C6orf132: variants seen among roughly 807,000 people sequenced by gnomAD.
The protein encoded by C6orf132 is chromosome 6 open reading frame 132.
In C6orf132, 43 loss-of-function variants were observed where a neutral mutation model predicts 65.3. That is an observed-to-expected ratio of 0.66 (90% CI 0.52 to 0.85). The LOEUF is 0.85. C6orf132 is among the 40% of genes least tolerant of loss of function. The pLI is 0.00. For missense variants in C6orf132, 1,488 were observed against 1,548.8 expected, an observed-to-expected ratio of 0.96 and a Z score of 0.66; for synonymous variants, 631 against 654.1, an observed-to-expected ratio of 0.96 and a Z score of 0.54.
At chr6:42,120,237 T>C (rs1009590319) in intron 2 of C6orf132, among the ~76,000 whole-genome samples, 1 of 150,952 alleles carries the variant, frequency 6.6e-6, no homozygotes, top group African/African-American at 2.4e-5. Flanking sequence ...TTGTCTTTAT[T>C]GCGAGGTTCT....
intron 1 of C6orf132, 69 bp downstream of exon 1, chr6:42,142,231 C>T (rs1426071499): frequency 3.9e-5 from 59 of 1,495,250 alleles, no homozygotes; most frequent in Non-Finnish European, 5.2e-5. Flanking sequence ...CTCCAGGAGA[C>T]AGCACCGCCG....
intron 1 of C6orf132, among the ~76,000 whole-genome samples, chr6:42,138,850 A>ACACACACACACACACACACAC (rs1766991180): frequency 2.1e-5 from 3 of 142,748 alleles, no homozygotes; most frequent in African/African-American, 5.2e-5. Flanking sequence ...CATGCATTTA[A>ACACACACACACACACACACAC]ACACACACAC....
chr6:42,110,810 G>T (rs1321857552), intron 2 of C6orf132, among the ~76,000 whole-genome samples: 1 of 152,204 alleles, frequency 6.6e-6, no homozygotes, highest in Non-Finnish European at 1.5e-5. Flanking sequence ...GGGAACATGT[G>T]CATTGAGCAA....
Position 42,106,550 on chromosome 6 carries a change from C to T in C6orf132, c.1362G>A (p.Ala454=), listed in dbSNP as rs9471762. 1.4e-5 allele frequency: 22 copies of T among 1,534,292 alleles called. No homozygotes were observed. The highest frequency in any genetic ancestry group is 5.5e-5 in the African/African-American group (4 of 72,604). The change falls in exon 4 of 5, where the codon GCG becomes GCA. Residue 454 remains alanine, a synonymous_variant. Coordinates refer to ENST00000341865, the MANE Select transcript of C6orf132 (RefSeq NM_001164446.3). ...KPNPPSPENT[A]SSAPVDWRDP... ...CCCTCCAGTCCACAGGTGCTGAAGACGCTGTGTTCTCTGGGCTGGGGGGGT... is the reference window on the plus strand; with the variant it reads ...CCCTCCAGTCCACAGGTGCTGAAGATGCTGTGTTCTCTGGGCTGGGGGGGT...
chr6:42,122,415 G>C (rs1008109091), intron 2 of C6orf132, among the ~76,000 whole-genome samples: 5 of 152,318 alleles, frequency 3.3e-5, no homozygotes, highest in African/African-American at 9.6e-5. Flanking sequence ...TGAGTCCATG[G>C]GGACAAAGAG....
Position 42,128,669 on chromosome 6 carries a change from C to T in C6orf132, c.252+3G>A, listed in dbSNP as rs1582281844. 6 of 1,550,292 alleles carry T rather than the reference C, an allele frequency of 3.9e-6. No homozygotes were observed. The East Asian group carries it at 9.8e-5, about 25-fold the overall frequency. Reference sequence around the variant, plus strand: ...TCCAACCTCAGAGCAGAACCGTACTCACCAGCGGAAGGAAGGTCAGCAGGG... The same window carrying T: ...TCCAACCTCAGAGCAGAACCGTACTTACCAGCGGAAGGAAGGTCAGCAGGG... On this transcript the variant is annotated splice_donor_region_variant and intron_variant, in intron 2 of 4. Coordinates refer to ENST00000341865, the MANE Select transcript of C6orf132 (RefSeq NM_001164446.3).
At chr6:42,112,545 G>A (rs554563489) in intron 2 of C6orf132, among the ~76,000 whole-genome samples, 1 of 152,246 alleles carries the variant, frequency 6.6e-6, no homozygotes, top group South Asian at 2.1e-4. Flanking sequence ...TAGGGAAGCT[G>A]TGAGGACTAA....
At chr6:42,126,083 G>A (rs1582280085) in intron 2 of C6orf132, among the ~76,000 whole-genome samples, 1 of 148,030 alleles carries the variant, frequency 6.8e-6, no homozygotes, top group African/African-American at 2.5e-5. Flanking sequence ...TTTTGTTTTT[G>A]TTTTTTGTTT....
rs1184916101 is a variant in C6orf132, at chr6:42,105,464, C to T, written c.2448G>A (p.Ser816=). Residue 816 remains serine, a synonymous_variant, in exon 4 of 5, where the codon TCG becomes TCA. Coordinates refer to ENST00000341865, the MANE Select transcript of C6orf132 (RefSeq NM_001164446.3). ...PPGLPAKPPA[S]AQPTDELLRH... ...TGAGGAGTTCATCAGTGGGCTGGGC[C>T]GAGGCAGGAGGCTTGGCTGGCAGCC... is the stretch of plus-strand genomic sequence containing the variant. 2.4e-5 allele frequency: 37 copies of T among 1,534,040 alleles called. No homozygotes were observed. Among genetic ancestry groups the T allele is most frequent in the Middle Eastern group, 1.7e-4 (1 of 5,854 alleles).
At position 42,103,752 on chromosome 6, in the gene C6orf132, AC is replaced by A. The variant is rs759149340; in HGVS notation, c.*8del. On this transcript the variant is annotated 3_prime_UTR_variant, in exon 5 of 5. Transcript: ENST00000341865. ...AGTTTGTTGGAGTAGAGCTAAGAGA[AC>A]CCCTGGCTCAGGAGGTGGCTTTCCG... 1.8e-5 allele frequency: 25 copies of A among 1,376,170 alleles called. No individual in the cohort carries two copies. The highest frequency in any genetic ancestry group is 3.7e-4 in the Middle Eastern group (2 of 5,370). The allele number at this position is 1,376,170 out of a possible 1,614,324, so 85.2% of individuals were successfully genotyped here.
rs1766343256 is a variant in C6orf132 at position 42,104,088 on chromosome 6, C to G, written c.3450-210G>C. On this transcript the variant is annotated intron_variant, in intron 4 of 4. Coordinates refer to ENST00000341865, the MANE Select transcript of C6orf132 (RefSeq NM_001164446.3). This position sits in a 1 kb window ranked among gnomAD's most constrained non-coding sequence, Gnocchi z 4.1. Reference sequence around the variant, plus strand: ...TGGGCCCTGCTGGCCGGAGAACATGCCTAACAGCCTTTCACTCAGAACTCT... The same window carrying G: ...TGGGCCCTGCTGGCCGGAGAACATGGCTAACAGCCTTTCACTCAGAACTCT... Among the ~76,000 whole-genome samples, 1 of 152,218 alleles carries G rather than the reference C, an allele frequency of 6.6e-6. No individual in the cohort carries two copies.
chr6:42,104,030 G>A lies in C6orf132; in HGVS notation c.3450-152C>T, dbSNP rs1238408786. Among the ~76,000 whole-genome samples, 2 of 151,930 alleles carry A rather than the reference G, an allele frequency of 1.3e-5. No individual in the cohort carries two copies. The highest frequency in any genetic ancestry group is 2.4e-5 in the African/African-American group (1 of 41,206). ...GGCTTATCGACCCCAGGGAGGGACC[G>A]CAGACATCACAAACAGGGCTCCCAT... On this transcript the variant is annotated intron_variant, in intron 4 of 4. Coordinates refer to ENST00000341865, the MANE Select transcript of C6orf132 (RefSeq NM_001164446.3). This position sits in a 1 kb window ranked among gnomAD's most constrained non-coding sequence, Gnocchi z 4.1.
At chr6:42,136,241 T>C (rs1766940035) in intron 1 of C6orf132, among the ~76,000 whole-genome samples, 1 of 150,732 alleles carries the variant, frequency 6.6e-6, no homozygotes, top group Non-Finnish European at 1.5e-5. Context: ...CACATCCATA[T>C]AATACCTGAG....
intron 1 of C6orf132, among the ~76,000 whole-genome samples, chr6:42,142,087 G>A (rs1562044560): frequency 6.6e-6 from 1 of 152,164 alleles, no homozygotes; most frequent in South Asian, 2.1e-4. Flanking sequence ...GTGGTGGTGG[G>A]GGGGGTCCCC....
chr6:42,110,970 C>A (rs1047540313), intron 2 of C6orf132, among the ~76,000 whole-genome samples: 1 of 152,174 alleles, frequency 6.6e-6, no homozygotes, highest in Admixed American at 6.6e-5. Flanking sequence ...ATATGAATTC[C>A]ATCTCGATGA....
intron 1 of C6orf132, among the ~76,000 whole-genome samples, chr6:42,132,856 CA>C (rs529784118): frequency 8.0e-4 from 73 of 91,736 alleles, no homozygotes; most frequent in South Asian, 1.6e-3. Flanking sequence ...GACTCTGTCT[CA>C]AAAAAAAAAA....
rs1156817070 is a variant in C6orf132 at position 42,102,600 on chromosome 6, G to A, written c.*1161C>T. 1.3e-5 allele frequency: 2 copies of A among 150,466 alleles called. No homozygotes were observed. Among genetic ancestry groups the A allele is most frequent in the East Asian group, 3.9e-4 (2 of 5,154 alleles). 9.3% of individuals were successfully genotyped at this position (150,466 alleles called of 1,614,324 possible). ...TTTTCCGTATTTTTAGTAGAGATGG[G>A]GTTTCACCATTTGGGCAGGCTGGTC... On this transcript the variant is annotated 3_prime_UTR_variant, in exon 5 of 5. Coordinates refer to ENST00000341865, the MANE Select transcript of C6orf132 (RefSeq NM_001164446.3).
Position 42,113,245 on chromosome 6 carries a change from A to C in C6orf132, c.253-2954T>G, listed in dbSNP as rs548322828. Among the ~76,000 whole-genome samples, 6 of 152,318 alleles carry C rather than the reference A, an allele frequency of 3.9e-5. No individual in the cohort carries two copies. In the East Asian group the frequency reaches 1.2e-3, roughly 29 times the overall value. On this transcript the variant is annotated intron_variant, in intron 2 of 4. Transcript: ENST00000341865. ...AGGGTTGAGATCTCTGATTAATTTC[A>C]ACATAATTGAAAAGCGGAAAGGCTG...
chr6:42,117,762 C>T (rs1206911507), intron 2 of C6orf132, among the ~76,000 whole-genome samples: 1 of 151,370 alleles, frequency 6.6e-6, no homozygotes. Flanking sequence ...TCTCTACTAA[C>T]AATACAAAAA....
Sources: gnomAD v4.1 joint callset for allele counts (sites outside exome capture counted in the v4.1 genomes callset) on GRCh38, gnomAD v4.1.1 for gene constraint, Gnocchi (gnomAD v3.1) non-coding constraint, MANE v1.5 for transcripts, NCBI Gene and HGNC (gene_info 2026-07-23, HGNC 2026-07-21) for gene names.